Variants in LAMA3 observed in about 807,000 individuals in gnomAD.
LAMA3 encodes the protein laminin subunit alpha 3.
LAMA3 carries 281 observed loss-of-function variants against 402.0 expected under a neutral mutation model. The ratio of observed to expected loss-of-function variants is 0.70; its 90% CI spans 0.63 to 0.77. The LOEUF (loss-of-function observed/expected upper bound fraction) is 0.77. Ranked by LOEUF, LAMA3 falls within the 30% of genes least tolerant of loss-of-function variation. LAMA3 has a pLI of 0.00. For missense variants in LAMA3, 3,840 were observed against 4,215.5 expected (o/e 0.91, Z 2.47); for synonymous variants, 1,431 against 1,558.4 (o/e 0.92, Z 1.93).
intron 18 of LAMA3, 35 bp downstream of exon 18, chr18:23,816,522 G>T: frequency 2.6e-6 from 4 of 1,544,464 alleles, no homozygotes; most frequent in Non-Finnish European, 3.6e-6. Flanking sequence ...CATGTTCAGG[G>T]TGTGAAAGAT....
rs2061894663 is a variant in LAMA3, at chr18:23,758,376, C to T, written c.948-20C>T. ...TCAAAACTTTTCAATAACTGAGATG[C>T]ACTTCGCCCACATGCCCAGGTTTCG... is the stretch of plus-strand genomic sequence containing the variant. On this transcript the variant is annotated intron_variant, in intron 6 of 74. Coordinates refer to ENST00000313654, the MANE Select transcript of LAMA3 (RefSeq NM_198129.4). 7.6e-6 allele frequency: 12 copies of T among 1,587,382 alleles called. No individual in the cohort carries two copies. The highest frequency in any genetic ancestry group is 9.5e-6 in the Non-Finnish European group (11 of 1,157,016).
intron 69 of LAMA3, 66 bp downstream of exon 69, chr18:23,944,037 T>C (rs2082621012): frequency 6.8e-7 from 1 of 1,480,970 alleles, no homozygotes; most frequent in Non-Finnish European, 9.3e-7. Flanking sequence ...TCGCTGAAAA[T>C]AGGAGTCCCA....
At chr18:23,722,020 A>C (rs2061223126) in intron 2 of LAMA3, among the ~76,000 whole-genome samples, 1 of 152,230 alleles carries the variant, frequency 6.6e-6, no homozygotes, top group South Asian at 2.1e-4. Flanking sequence ...AATAAGGTCC[A>C]AGTTTCTTAA....
In LAMA3 at chr18:23,861,781, G is replaced by A. The variant is rs763626668; in HGVS notation, c.4558G>A (p.Ala1520Thr). The A allele has an allele frequency of 6.8e-6, 11 of 1,613,078 alleles. No individual in the cohort carries two copies. The highest frequency in any genetic ancestry group is 1.6e-4 in the Middle Eastern group (1 of 6,070). The stretch of plus-strand genomic sequence containing the variant: ...AACCATCCACAGCGCGTCCTGGGTC[G>A]CACCCACCTCCTACCTGGGGGACAA... ...PATIHSASWV[A>T]PTSYLGDKVS... Residue 1520 changes from alanine (A) to threonine (T), a missense_variant, in exon 35 of 75, where the codon GCA becomes ACA. Physicochemically the swap from Ala to Thr is moderately conservative, Grantham distance 58. Around this residue, in one of 3 missense-constraint regions of LAMA3, gnomAD observed 2,109 missense variants for 2,376.0 expected, o/e 0.89. Transcript: ENST00000313654.
At chr18:23,906,832 T>A (rs1842095976) in intron 52 of LAMA3, among the ~76,000 whole-genome samples, 1 of 152,232 alleles carries the variant, frequency 6.6e-6, no homozygotes, top group Non-Finnish European at 1.5e-5. Context: ...GTTAGGATGC[T>A]AACTATGTTG....
In LAMA3 at chr18:23,946,889, C is replaced by T. The variant is rs144244149; in HGVS notation, c.9351+605C>T. 120 of 155,278 alleles carry T rather than the reference C, an allele frequency of 7.7e-4. 1 individual carries two copies. The East Asian group carries it at 0.019, about 25-fold the overall frequency. 9.6% of individuals were successfully genotyped at this position (155,278 alleles called of 1,614,324 possible). On this transcript the variant is annotated intron_variant, in intron 70 of 74. Transcript: ENST00000313654. ...TGCTTGGAGAAAAAGGTGCTTAACA[C>T]GTAATCAAGAGGGTGTTTAAGACAT...
chr18:23,715,025 T>C (rs2061070542), intron 2 of LAMA3, among the ~76,000 whole-genome samples: 1 of 152,230 alleles, frequency 6.6e-6, no homozygotes, highest in Non-Finnish European at 1.5e-5. Context: ...CTATCTTATA[T>C]GATTCCATTT....
chr18:23,859,456 G>A (rs138540089), intron 34 of LAMA3, among the ~76,000 whole-genome samples: 139 of 152,294 alleles, frequency 9.1e-4, no homozygotes, highest in African/African-American at 3.1e-3. Flanking sequence ...CAGGCCTCCA[G>A]TACTTCTCCA....
chr18:23,754,571 C>A (rs1301493893), intron 6 of LAMA3, among the ~76,000 whole-genome samples: 1 of 152,192 alleles, frequency 6.6e-6, no homozygotes, highest in Non-Finnish European at 1.5e-5. Flanking sequence ...TTCTGTTTAT[C>A]CATTCATTCG....
intron 12 of LAMA3, among the ~76,000 whole-genome samples, chr18:23,809,569 C>T (rs2063026757): frequency 6.6e-6 from 1 of 152,132 alleles, no homozygotes; most frequent in East Asian, 1.9e-4. Context: ...AACTCCAGCC[C>T]ATAGAAGTCT....
chr18:23,730,903 T>C (rs769535000), intron 2 of LAMA3, among the ~76,000 whole-genome samples: 26 of 152,156 alleles, frequency 1.7e-4, no homozygotes, highest in Admixed American at 1.0e-3. Context: ...TTGAGAAGTA[T>C]AGTGCAATTC....
intron 1 of LAMA3, among the ~76,000 whole-genome samples, chr18:23,713,213 G>A (rs985952807): frequency 3.3e-5 from 5 of 152,164 alleles, no homozygotes; most frequent in Admixed American, 6.5e-5. Context: ...ATCTCTCCAT[G>A]TACCTGGCAA....
chr18:23,887,222 G>A (rs1195361340), intron 41 of LAMA3, among the ~76,000 whole-genome samples: 1 of 152,152 alleles, frequency 6.6e-6, no homozygotes. Flanking sequence ...ATCAAAACAT[G>A]CCATTAAAAT....
chr18:23,899,255 T>C, intron 46 of LAMA3, 33 bp from the exon 47 acceptor site: 1 of 1,596,346 alleles, frequency 6.3e-7, no homozygotes, highest in Non-Finnish European at 8.6e-7. Flanking sequence ...AGCCCAGAAT[T>C]CCCAGTCTAA....
chr18:23,877,366 T>A lies in LAMA3; in HGVS notation c.5112+959T>A, dbSNP rs188816487. On this transcript the variant is annotated intron_variant, in intron 39 of 74. Transcript: ENST00000313654. ...GCATCCTGAAGCAGAACCTTTTTTATTCTGCTTTTTTCTTTTGTTTCATTA... is the reference window on the plus strand; with the variant it reads ...GCATCCTGAAGCAGAACCTTTTTTAATCTGCTTTTTTCTTTTGTTTCATTA... Among the ~76,000 whole-genome samples the A allele has an allele frequency of 8.3e-3, 1,268 of 152,346 alleles. 14 individuals are homozygous for A. Among genetic ancestry groups the A allele is most frequent in the Non-Finnish European group, 9.9e-3 (674 of 68,022 alleles).
intron 28 of LAMA3, 21 bp from the exon 29 acceptor site, chr18:23,842,590 G>A (rs750050349): frequency 2.5e-6 from 4 of 1,599,592 alleles, no homozygotes; most frequent in African/African-American, 1.3e-5. Context: ...ATGACAGAAA[G>A]TCTCTCTCTC....
intron 1 of LAMA3, among the ~76,000 whole-genome samples, chr18:23,696,433 ACTTTT>A (rs1431552594): frequency 9.2e-5 from 14 of 152,082 alleles, no homozygotes; most frequent in African/African-American, 3.1e-4. Flanking sequence ...AACTTATTAG[ACTTTT>A]CTTTGAATAA....
rs2063535516 is a variant in LAMA3 at position 23,833,982 on chromosome 18, A to G, written c.2978A>G (p.Asn993Ser). The change falls in exon 24 of 75, where the codon AAC becomes AGC. Residue 993 changes from asparagine to serine, a missense_variant. Physicochemically the swap from Asn to Ser is conservative, Grantham distance 46. This residue lies in a region of LAMA3 where 2,109 missense variants were observed against 2,376.0 expected (regional missense o/e 0.89). Coordinates refer to ENST00000313654, the MANE Select transcript of LAMA3 (RefSeq NM_198129.4). ...GGCCAGGTGAACATTTACAGCTGCAACTACAGGTACTCAGCCCCACCAAGG... is the reference window on the plus strand; with the variant it reads ...GGCCAGGTGAACATTTACAGCTGCAGCTACAGGTACTCAGCCCCACCAAGG... Reference protein sequence around the residue: ...LAGQVNIYSCNYSVLCRSAVI... With the variant: ...LAGQVNIYSCSYSVLCRSAVI... The G allele has an allele frequency of 3.1e-6, 5 of 1,614,258 alleles. No individual in the cohort carries two copies. The highest frequency in any genetic ancestry group is 4.2e-6 in the Non-Finnish European group (5 of 1,180,044).
At chr18:23,811,553 G>C (rs891034315) in intron 13 of LAMA3, among the ~76,000 whole-genome samples, 3 of 152,208 alleles carry the variant, frequency 2.0e-5, no homozygotes, top group African/African-American at 7.2e-5. Flanking sequence ...GGCCTCAGGA[G>C]CAGAAGGAAG....
Sources: allele counts gnomAD v4.1 joint callset (sites outside exome capture counted in the v4.1 genomes callset), GRCh38; gene constraint gnomAD v4.1.1; regional missense constraint gnomAD v4.1.1; transcripts MANE v1.5; gene names NCBI Gene and HGNC (gene_info 2026-07-23, HGNC 2026-07-21).